The following ADAMTS2 variants were observed in gnomAD, a reference collection of about 807,000 sequenced individuals.
The protein encoded by ADAMTS2 is A disintegrin and metalloproteinase with thrombospondin motifs 2.
Under a neutral mutation model 123.0 loss-of-function variants are expected in ADAMTS2, and 50 were observed. The observed-to-expected ratio is 0.41, with a 90% CI of 0.32 to 0.51. The LOEUF (loss-of-function observed/expected upper bound fraction) is 0.51, where lower values mean the gene tolerates loss of function less well. ADAMTS2 is among the 20% of genes least tolerant of loss of function. ADAMTS2 has a pLI of 0.35. For synonymous variants in ADAMTS2, 678 were observed against 695.4 expected (o/e 0.98, Z 0.39); for missense variants, 1,494 against 1,705.2 (o/e 0.88, Z 2.18).
At chr5:179,147,166 G>A (rs540049814) in intron 10 of ADAMTS2, among the ~76,000 whole-genome samples, 5 of 152,288 alleles carry the variant, frequency 3.3e-5, no homozygotes, top group African/African-American at 1.2e-4. Flanking sequence ...TTGACTCACT[G>A]CAAGCTCCAC....
At chr5:179,212,738 G>A in intron 3 of ADAMTS2, among the ~76,000 whole-genome samples, 1 of 124,752 alleles carries the variant, frequency 8.0e-6, no homozygotes, top group Admixed American at 7.9e-5. Flanking sequence ...GGTGCAGTGG[G>A]CAGGTGTGGG....
rs1050026610 is a variant in ADAMTS2 at position 179,188,036 on chromosome 5, G to C, written c.892-6881C>G. Among the ~76,000 whole-genome samples the C allele has an allele frequency of 1.3e-5, 2 of 152,090 alleles. No individual in the cohort carries two copies. Among genetic ancestry groups the C allele is most frequent in the Non-Finnish European group, 2.9e-5 (2 of 68,008 alleles). On this transcript the variant is annotated intron_variant, in intron 4 of 21. Coordinates refer to ENST00000251582, the MANE Select transcript of ADAMTS2 (RefSeq NM_014244.5). The surrounding 1 kb of genome is among the most constrained non-coding windows in gnomAD (Gnocchi z 5.1). ...TTTGTCCTCTGCCAAGGTGGGGGAG[G>C]GGTGCAGAAAGGGGGGAACCGGTGC...
At chr5:179,295,708 G>A (rs1300758127) in intron 2 of ADAMTS2, among the ~76,000 whole-genome samples, 3 of 152,256 alleles carry the variant, frequency 2.0e-5, no homozygotes, top group African/African-American at 7.2e-5. Flanking sequence ...AACATTCTGA[G>A]CAGGGCAGAG....
intron 3 of ADAMTS2, among the ~76,000 whole-genome samples, chr5:179,214,451 A>T (rs1561809537): frequency 6.6e-6 from 1 of 152,258 alleles, no homozygotes; most frequent in Non-Finnish European, 1.5e-5. Context: ...CTCAGAAGAA[A>T]TTGAAAGAGC....
chr5:179,344,117 C>G lies in ADAMTS2; in HGVS notation c.184G>C (p.Val62Leu). 2 of 1,607,506 alleles carry G rather than the reference C, an allele frequency of 1.2e-6. No homozygotes were observed. Among genetic ancestry groups the G allele is most frequent in the East Asian group, 2.2e-5 (1 of 44,682 alleles). The change falls in exon 2 of 22, where the codon GTG (valine) becomes CTG (leucine). Residue 62 changes from valine (V) to leucine (L), a missense_variant. Physicochemically the swap from Val to Leu is conservative, Grantham distance 32. Transcript: ENST00000251582. ...HGAERILAVP[V>L]RTDAQGRLVS... is the part of the protein sequence containing the mutation. ...AAGCGGCCCTGGGCGTCAGTGCGCACGGGCACCGCCAGGATGCGCTCCGCT... is the reference window on the plus strand; with the variant it reads ...AAGCGGCCCTGGGCGTCAGTGCGCAGGGGCACCGCCAGGATGCGCTCCGCT...
chr5:179,209,063 G>A (rs1350694795), intron 3 of ADAMTS2, among the ~76,000 whole-genome samples: 1 of 152,220 alleles, frequency 6.6e-6, no homozygotes, highest in Non-Finnish European at 1.5e-5. Flanking sequence ...TGTGAGGGTG[G>A]CCCAGGACAG....
intron 6 of ADAMTS2, among the ~76,000 whole-genome samples, chr5:179,157,191 C>G (rs1296404948): frequency 6.6e-5 from 10 of 152,052 alleles, no homozygotes; most frequent in Non-Finnish European, 1.3e-4. Context: ...CTCAAGTGAT[C>G]CGCCCGCCTT....
intron 3 of ADAMTS2, among the ~76,000 whole-genome samples, chr5:179,265,873 C>T (rs568154010): frequency 6.6e-6 from 1 of 152,378 alleles, no homozygotes; most frequent in South Asian, 2.1e-4. Context: ...CCCTGGGTTT[C>T]CCGGGGCCTG....
At chr5:179,218,055 G>A (rs532191389) in intron 3 of ADAMTS2, among the ~76,000 whole-genome samples, 6 of 152,348 alleles carry the variant, frequency 3.9e-5, no homozygotes, top group African/African-American at 1.4e-4. Context: ...TGACCGCCCT[G>A]CAGAGCCAGA....
intron 10 of ADAMTS2, among the ~76,000 whole-genome samples, chr5:179,150,451 C>T (rs1022677508): frequency 1.4e-4 from 22 of 152,206 alleles, no homozygotes; most frequent in African/African-American, 4.8e-4. Flanking sequence ...CCCAGGTCTT[C>T]GAACAAAACC....
At chr5:179,326,013 G>A (rs1156303114) in intron 2 of ADAMTS2, among the ~76,000 whole-genome samples, 1 of 152,242 alleles carries the variant, frequency 6.6e-6, no homozygotes, top group Admixed American at 6.5e-5. Flanking sequence ...GAAGGGATCA[G>A]AGCGCTCCCC....
intron 2 of ADAMTS2, among the ~76,000 whole-genome samples, chr5:179,298,047 G>A (rs536595234): frequency 3.9e-5 from 6 of 152,002 alleles, no homozygotes; most frequent in African/African-American, 7.2e-5. Flanking sequence ...CTCTCTGGCC[G>A]CCCCCAGCTG....
rs767422779 is a variant in ADAMTS2, at chr5:179,285,084, G to A, written c.535-12020C>T. On this transcript the variant is annotated intron_variant, in intron 2 of 21. Transcript: ENST00000251582. This position sits in a 1 kb window ranked among gnomAD's most constrained non-coding sequence, Gnocchi z 4.9. ...GCGTCTCTAGCACTGGGCACAGCAC[G>A]TGATAAATCAGCCGACTGGCAGCAC... Among the ~76,000 whole-genome samples the A allele has an allele frequency of 7.2e-5, 11 of 152,154 alleles. No individual in the cohort carries two copies. The highest frequency in any genetic ancestry group is 1.5e-4 in the Non-Finnish European group (10 of 68,024).
intron 4 of ADAMTS2, among the ~76,000 whole-genome samples, chr5:179,194,646 G>A (rs747366515): frequency 4.6e-5 from 7 of 152,022 alleles, no homozygotes; most frequent in Non-Finnish European, 8.8e-5. Flanking sequence ...CAGCACAGGG[G>A]CCACCTTCCC....
intron 3 of ADAMTS2, among the ~76,000 whole-genome samples, chr5:179,224,917 T>C (rs545964146): frequency 3.9e-5 from 6 of 152,340 alleles, no homozygotes; most frequent in African/African-American, 1.4e-4. Context: ...CTCCTCCGTC[T>C]GGCCTGGAGA....
rs572646841 is a variant in ADAMTS2 at position 179,137,719 on chromosome 5, C to T, written c.1951+50G>A. 4.0e-3 allele frequency: 6,060 copies of T among 1,511,268 alleles called. 98 individuals are homozygous for T. The highest frequency in any genetic ancestry group is 0.015 in the Middle Eastern group (66 of 4,286). 93.6% of individuals were successfully genotyped at this position (1,511,268 alleles called of 1,614,324 possible). On this transcript the variant is annotated intron_variant, in intron 12 of 21. Transcript: ENST00000251582. ...AGGCACAAGCCCCCACCCTGCCCAC[C>T]CTAGGGCCTGCCTGCTGAGCCCCCA...
intron 21 of ADAMTS2, chr5:179,120,281 T>C (rs1377200526): frequency 1.3e-5 from 2 of 152,104 alleles, no homozygotes; most frequent in Admixed American, 6.5e-5. Flanking sequence ...TGGCACACGC[T>C]AACGTCTCAT....
chr5:179,128,023 C>T lies in ADAMTS2; in HGVS notation c.2553G>A (p.Glu851=). The part of the protein sequence containing the change: ...LNVDDNNVLE[E]DSVVYEWALK... ...GGGCCCACTCGTAGACCACAGAGTC[C>T]TCTTCCAGGACGTTGTTGTCGTCGA... The change falls in exon 17 of 22, where the codon GAG becomes GAA. Residue 851 remains glutamate, a synonymous_variant. Transcript: ENST00000251582. The surrounding 1 kb of genome is among the most constrained non-coding windows in gnomAD (Gnocchi z 4.9). 6.2e-7 allele frequency: 1 copy of T among 1,614,122 alleles called. No individual in the cohort carries two copies. Among genetic ancestry groups the T allele is most frequent in the Non-Finnish European group, 8.5e-7 (1 of 1,180,046 alleles).
rs144607542 is a variant in ADAMTS2 at position 179,246,060 on chromosome 5, T to C, written c.688+26851A>G. On this transcript the variant is annotated intron_variant, in intron 3 of 21. Coordinates refer to ENST00000251582, the MANE Select transcript of ADAMTS2 (RefSeq NM_014244.5). Reference sequence around the variant, plus strand: ...CCTACAACAACCAGGGAATGCTTAATGAAGAAAGCAGCTACTGAATTTTGG... The same window carrying C: ...CCTACAACAACCAGGGAATGCTTAACGAAGAAAGCAGCTACTGAATTTTGG... Among the ~76,000 whole-genome samples the C allele has an allele frequency of 1.7e-3, 262 of 152,290 alleles. 1 individual carries two copies. The highest frequency in any genetic ancestry group is 5.9e-3 in the African/African-American group (247 of 41,566).
Sources: gnomAD v4.1 joint callset for allele counts (sites outside exome capture counted in the v4.1 genomes callset) on GRCh38, gnomAD v4.1.1 for gene constraint, Gnocchi (gnomAD v3.1) non-coding constraint, MANE v1.5 for transcripts, NCBI Gene and HGNC (gene_info 2026-07-23, HGNC 2026-07-21) for gene names.